DENND1B: variants seen among roughly 807,000 people sequenced by gnomAD.
DENND1B encodes the protein DENN domain-containing protein 1B.
A neutral mutation model predicts 90.1 loss-of-function variants in DENND1B; 59 were observed. The observed-to-expected ratio is 0.65, with a 90% CI of 0.53 to 0.81. The LOEUF (loss-of-function observed/expected upper bound fraction) is 0.81. Among genes scored for constraint, DENND1B ranks in the 40% least tolerant of loss-of-function variants. The pLI is 0.00. For missense variants in DENND1B, 862 were observed against 912.6 expected, an observed-to-expected ratio of 0.94 and a Z score of 0.71; for synonymous variants, 337 against 324.6, an observed-to-expected ratio of 1.04 and a Z score of -0.41.
At chr1:197,706,314 A>G (rs1558425680) in intron 3 of DENND1B, among the ~76,000 whole-genome samples, 1 of 152,326 alleles carries the variant, frequency 6.6e-6, no homozygotes, top group East Asian at 1.9e-4. Flanking sequence ...ACCTGGAATA[A>G]TGCGTGAAGC....
chr1:197,574,733 C>T (rs1461199080), intron 15 of DENND1B, among the ~76,000 whole-genome samples: 2 of 152,062 alleles, frequency 1.3e-5, no homozygotes. Context: ...GGTACTGGTA[C>T]CAAAACAGAG....
At chr1:197,617,877 T>C in intron 10 of DENND1B, 118 bp from the exon 11 acceptor site, 2 of 703,486 alleles carry the variant, frequency 2.8e-6, no homozygotes, top group Non-Finnish European at 5.0e-6. Flanking sequence ...ACTACATAAA[T>C]CACATTGTCT....
chr1:197,714,733 G>A (rs190059858), intron 3 of DENND1B, among the ~76,000 whole-genome samples: 15 of 152,128 alleles, frequency 9.9e-5, no homozygotes, highest in Admixed American at 9.2e-4. Context: ...TGTTTTTAAT[G>A]TTTTCAAATA....
At chr1:197,668,221 T>C (rs1175648330) in intron 5 of DENND1B, among the ~76,000 whole-genome samples, 1 of 152,174 alleles carries the variant, frequency 6.6e-6, no homozygotes, top group Non-Finnish European at 1.5e-5. Context: ...ATGTTTTTCT[T>C]AATAGCAAAA....
chr1:197,644,538 AC>A (rs1180324087), intron 9 of DENND1B, among the ~76,000 whole-genome samples: 1 of 152,212 alleles, frequency 6.6e-6, no homozygotes. Context: ...ATAAGTCAAG[AC>A]ATGGTCAGTC....
intron 3 of DENND1B, among the ~76,000 whole-genome samples, chr1:197,713,883 TATAA>T (rs1437610705): frequency 2.1e-4 from 2 of 9,678 alleles, no homozygotes; most frequent in African/African-American, 9.4e-4. Flanking sequence ...TATTGTTATA[TATAA>T]TATATAATAT....
At chr1:197,692,479 T>G (rs1658005366) in intron 3 of DENND1B, among the ~76,000 whole-genome samples, 1 of 151,834 alleles carries the variant, frequency 6.6e-6, no homozygotes, top group Non-Finnish European at 1.5e-5. Flanking sequence ...CACATGAAAT[T>G]AGCAGTTATT....
At chr1:197,734,437 T>C (rs965723125) in intron 2 of DENND1B, 102 of 984,796 alleles carry the variant, frequency 1.0e-4, no homozygotes, top group Non-Finnish European at 1.0e-4. Context: ...TTTAAACCAA[T>C]AGCAACAACA....
intron 3 of DENND1B, chr1:197,689,707 G>A (rs1475117612): frequency 6.5e-6 from 1 of 153,292 alleles, no homozygotes; most frequent in South Asian, 2.1e-4. Context: ...TGCTACAGTA[G>A]CATTTGTGCC....
chr1:197,734,853 G>A (rs1662492354), intron 2 of DENND1B: 6 of 984,606 alleles, frequency 6.1e-6, no homozygotes, highest in Non-Finnish European at 7.2e-6. Flanking sequence ...TATTCATAAG[G>A]GGGAAAATAA....
rs1235872386 is a variant in DENND1B at position 197,755,737 on chromosome 1, T to C, written c.82+17131A>G. Among the ~76,000 whole-genome samples, 4 of 152,206 alleles carry C rather than the reference T, an allele frequency of 2.6e-5. No homozygotes were observed. The East Asian group carries it at 5.8e-4, about 22-fold the overall frequency. The stretch of plus-strand genomic sequence containing the variant: ...GGCTGGGGAGGCCTCACAACCACGG[T>C]GGAAGGCAAGGTAGAGCAACTCACA... On this transcript the variant is annotated intron_variant, in intron 2 of 22. Transcript: ENST00000620048.
intron 2 of DENND1B, among the ~76,000 whole-genome samples, chr1:197,756,697 CTAA>C (rs1176646560): frequency 1.4e-5 from 2 of 148,008 alleles, no homozygotes; most frequent in African/African-American, 5.0e-5. Context: ...TAATAATAAA[CTAA>C]TAATAAATTT....
intron 14 of DENND1B, 25 bp from the exon 15 acceptor site, chr1:197,583,278 G>A: frequency 6.2e-7 from 1 of 1,606,676 alleles, no homozygotes; most frequent in South Asian, 1.1e-5. Context: ...AGATTTTAAG[G>A]GCATCAATAA....
At chr1:197,704,419 C>T (rs1266866615) in intron 3 of DENND1B, among the ~76,000 whole-genome samples, 1 of 152,100 alleles carries the variant, frequency 6.6e-6, no homozygotes, top group Non-Finnish European at 1.5e-5. Flanking sequence ...CTAGTTTCTA[C>T]CAAAACCAAT....
intron 2 of DENND1B, among the ~76,000 whole-genome samples, chr1:197,716,992 A>G (rs939258116): frequency 5.9e-5 from 9 of 151,942 alleles, no homozygotes; most frequent in African/African-American, 1.7e-4. Flanking sequence ...AAATAAGTAC[A>G]TGAAAACTGC....
chr1:197,686,753 T>C (rs1204500977), intron 3 of DENND1B, among the ~76,000 whole-genome samples: 1 of 151,940 alleles, frequency 6.6e-6, no homozygotes, highest in Non-Finnish European at 1.5e-5. Context: ...CTTCCTATCT[T>C]TGTCATTTCT....
chr1:197,608,970 T>A (rs562074294), intron 12 of DENND1B, among the ~76,000 whole-genome samples: 2 of 149,944 alleles, frequency 1.3e-5, no homozygotes, highest in Admixed American at 6.7e-5. Flanking sequence ...AAAAATAGAG[T>A]GTAACAAATT....
intron 3 of DENND1B, among the ~76,000 whole-genome samples, chr1:197,705,397 T>A (rs1191137261): frequency 1.3e-5 from 2 of 152,080 alleles, no homozygotes; most frequent in African/African-American, 4.8e-5. Context: ...TAAACTAGAA[T>A]CCTAAGAGTT....
At chr1:197,779,002 CA>C (rs960848304), upstream of DENND1B, among the ~76,000 whole-genome samples, 6 of 152,084 alleles carry the variant, frequency 3.9e-5, no homozygotes, top group African/African-American at 1.4e-4. Flanking sequence ...AAAATCCCCC[CA>C]AAAATGCATT....
Sources: gnomAD v4.1 joint callset for allele counts (sites outside exome capture counted in the v4.1 genomes callset) on GRCh38, gnomAD v4.1.1 for gene constraint, MANE v1.5 for transcripts, NCBI Gene and HGNC (gene_info 2026-07-23, HGNC 2026-07-21) for gene names.